The following CRISP3 variants were observed in gnomAD, a reference collection of about 807,000 sequenced individuals.
CRISP3 encodes the protein cysteine-rich secretory protein 3.
Under a neutral mutation model 36.1 loss-of-function variants are expected in CRISP3, and 33 were observed. That is an observed-to-expected ratio of 0.91 (90% CI 0.69 to 1.22). CRISP3 has a LOEUF of 1.22. Ranked by LOEUF, CRISP3 falls within the 50% of genes most tolerant of loss-of-function variation. CRISP3 has a pLI of 0.00. For synonymous variants in CRISP3, 117 were observed against 104.6 expected (o/e 1.12, Z -0.72); for missense variants, 330 against 301.2 (o/e 1.10, Z -0.71).
intron 7 of CRISP3, 28 bp downstream of exon 7, chr6:49,731,135 A>T: frequency 7.0e-7 from 1 of 1,435,302 alleles, no homozygotes. Flanking sequence ...ATTTTATTTT[A>T]TTATCAAGTT....
intron 1 of CRISP3, among the ~76,000 whole-genome samples, chr6:49,737,941 C>T (rs1769102035): frequency 6.6e-6 from 1 of 152,178 alleles, no homozygotes; most frequent in African/African-American, 2.4e-5. Flanking sequence ...AGAAAGTCCT[C>T]TACGTATATG....
At chr6:49,737,773 C>T (rs774131826) in intron 1 of CRISP3, among the ~76,000 whole-genome samples, 7 of 152,194 alleles carry the variant, frequency 4.6e-5, no homozygotes, top group Non-Finnish European at 1.0e-4. Context: ...GTGTTTATTA[C>T]TGGGATACTA....
intron 1 of CRISP3, among the ~76,000 whole-genome samples, chr6:49,743,458 CA>C (rs972900047): frequency 1.3e-5 from 2 of 152,262 alleles, no homozygotes; most frequent in Non-Finnish European, 2.9e-5. Context: ...TTTTAACTAG[CA>C]GAAGAGGCAA....
At chr6:49,736,245 C>G (rs1769047786) in intron 3 of CRISP3, 146 bp downstream of exon 3, 1 of 626,782 alleles carries the variant, frequency 1.6e-6, no homozygotes, top group Non-Finnish European at 2.8e-6. Flanking sequence ...AGAAATTCAG[C>G]TCTGCCCATT....
chr6:49,736,658 T>TTCCA, intron 2 of CRISP3, 151 bp from the exon 3 acceptor site: 1 of 697,174 alleles, frequency 1.4e-6, no homozygotes, highest in Non-Finnish European at 2.5e-6. Flanking sequence ...GCTATGACTT[T>TTCCA]TTAATGGAAA....
In CRISP3 at chr6:49,731,233, T is replaced by C; in HGVS notation, c.579A>G (p.Arg193=). The part of the protein sequence containing the change: ...QYCPAGNWAN[R]LYVPYEQGAP... ...CTCCTTGTTCATAAGGGACATATAG[T>C]CTATTAGCCCAATTACCACTGAAAT... The change falls in exon 7 of 8, where the codon AGA becomes AGG. Residue 193 remains arginine (R), a synonymous_variant. Coordinates refer to ENST00000263045, the MANE Select transcript of CRISP3 (RefSeq NM_006061.4). 2 of 1,600,452 alleles carry C rather than the reference T, an allele frequency of 1.2e-6. No homozygotes were observed. The highest frequency in any genetic ancestry group is 8.5e-7 in the Non-Finnish European group (1 of 1,174,278).
intron 6 of CRISP3, among the ~76,000 whole-genome samples, 157 bp downstream of exon 6, chr6:49,733,038 C>G (rs181256272): frequency 1.3e-5 from 2 of 152,268 alleles, no homozygotes; most frequent in Admixed American, 1.3e-4. Context: ...AAAACTTTAT[C>G]TTTCTGAGAA....
At chr6:49,729,289 A>G (rs1166428421) in intron 7 of CRISP3, among the ~76,000 whole-genome samples, 1 of 152,140 alleles carries the variant, frequency 6.6e-6, no homozygotes, top group African/African-American at 2.4e-5. Context: ...TTCAGTAGCC[A>G]TGTGTCTAAG....
At chr6:49,737,494 A>T (rs1162589535) in intron 1 of CRISP3, 96 bp from the exon 2 acceptor site, 4 of 1,209,808 alleles carry the variant, frequency 3.3e-6, no homozygotes, top group Non-Finnish European at 3.6e-6. Context: ...AATGACCTCC[A>T]TTATCCCAAA....
intron 2 of CRISP3, 61 bp downstream of exon 2, chr6:49,737,264 G>A: frequency 7.6e-7 from 1 of 1,311,320 alleles, no homozygotes; most frequent in Non-Finnish European, 1.1e-6. Context: ...GATTGATCTA[G>A]TAGCTTGCCA....
intron 7 of CRISP3, among the ~76,000 whole-genome samples, chr6:49,729,601 A>C (rs1768864566): frequency 6.6e-6 from 1 of 152,180 alleles, no homozygotes; most frequent in South Asian, 2.1e-4. Flanking sequence ...CCAGTTTCAG[A>C]GAAATGACAC....
At position 49,731,250 on chromosome 6, in the gene CRISP3, C is replaced by T; in HGVS notation, c.562G>A (p.Gly188Ser). The change falls in exon 7 of 8, where the codon GGT (glycine) becomes AGT (serine). Residue 188 changes from glycine to serine, a missense_variant and splice_region_variant. Gly to Ser is a moderately conservative substitution (Grantham distance 56). Coordinates refer to ENST00000263045, the MANE Select transcript of CRISP3 (RefSeq NM_006061.4). ...YYYVCQYCPA[G>S]NWANRLYVPY... ...ACATATAGTCTATTAGCCCAATTAC[C>T]ACTGAAATTTGAAATAAAAATGTCA... 3 of 1,580,386 alleles carry T rather than the reference C, an allele frequency of 1.9e-6. No individual in the cohort carries two copies. Among genetic ancestry groups the T allele is most frequent in the South Asian group, 1.2e-5 (1 of 83,984 alleles).
chr6:49,736,369 C>T (rs763932837), intron 3 of CRISP3, 22 bp downstream of exon 3: 1 of 1,506,132 alleles, frequency 6.6e-7, no homozygotes, highest in East Asian at 2.3e-5. Context: ...ACACCCCTCT[C>T]CTTTGCAATA....
In CRISP3 at chr6:49,733,764, T is replaced by C. The variant is rs559738360; in HGVS notation, c.401A>G (p.Asn134Ser). ...QAIQSWFDEY[N>S]DFDFGVGPKT... ...TGGCCCTACACCAAAGTCAAAATCA[T>C]TGTACTCATCAAACCAGCTTTGGAT... Residue 134 changes from asparagine (N) to serine (S), a missense_variant, in exon 5 of 8, where the codon AAT becomes AGT. Physicochemically the swap from Asn to Ser is conservative, Grantham distance 46 (BLOSUM62 1). Transcript: ENST00000263045. 20 of 1,613,804 alleles carry C rather than the reference T, an allele frequency of 1.2e-5. No individual in the cohort carries two copies. Among genetic ancestry groups the C allele is most frequent in the Admixed American group, 1.7e-5 (1 of 60,008 alleles).
At chr6:49,734,043 C>T (rs1216457872) in intron 4 of CRISP3, among the ~76,000 whole-genome samples, 195 bp from the exon 5 acceptor site, 1 of 152,114 alleles carries the variant, frequency 6.6e-6, no homozygotes, top group Non-Finnish European at 1.5e-5. Context: ...GAATAGAAGC[C>T]AGATTTGCCC....
intron 1 of CRISP3, among the ~76,000 whole-genome samples, chr6:49,738,613 A>G (rs1489504433): frequency 2.0e-5 from 3 of 152,092 alleles, no homozygotes; most frequent in African/African-American, 7.2e-5. Context: ...CTATGAACTT[A>G]GCTAACACCA....
At chr6:49,732,699 T>C (rs1768944778) in intron 6 of CRISP3, among the ~76,000 whole-genome samples, 1 of 152,164 alleles carries the variant, frequency 6.6e-6, no homozygotes, top group Non-Finnish European at 1.5e-5. Flanking sequence ...GTCTTTGAGG[T>C]CCAAGATTTA....
chr6:49,728,851 C>A lies in CRISP3; in HGVS notation c.656G>T (p.Gly219Val), dbSNP rs377245638. ...DNCDDGLCTN[G>V]CKYEDLYSNC... ...ACTATAGAGATCTTCGTACTTGCAA[C>A]CATTGGCTGGAATAAAAACAAAGAA... Residue 219 changes from glycine to valine, a missense_variant, in exon 8 of 8, where the codon GGT becomes GTT. Physicochemically the swap from Gly to Val is moderately radical, Grantham distance 109. Transcript: ENST00000263045. 24 of 1,605,694 alleles carry A rather than the reference C, an allele frequency of 1.5e-5. No homozygotes were observed. The African/African-American group carries it at 3.1e-4, about 21-fold the overall frequency.
In CRISP3 at chr6:49,732,502, G is replaced by A. The variant is rs142073795; in HGVS notation, c.560+693C>T. ...TCAATATATCCACAGATTTTTTTTC[G>A]TGAGTAGGTCAACTATATTGCTTGA... On this transcript the variant is annotated intron_variant, in intron 6 of 7. Transcript: ENST00000263045. Among the ~76,000 whole-genome samples, 971 of 151,568 alleles carry A rather than the reference G, an allele frequency of 6.4e-3. 7 individuals carry two copies. The highest frequency in any genetic ancestry group is 0.021 in the African/African-American group (878 of 41,332).
Sources: allele counts gnomAD v4.1 joint callset (sites outside exome capture counted in the v4.1 genomes callset), GRCh38; gene constraint gnomAD v4.1.1; transcripts MANE v1.5; gene names NCBI Gene and HGNC (gene_info 2026-07-23, HGNC 2026-07-21).